Variants in FHDC1 observed in about 807,000 individuals in gnomAD.
The protein encoded by FHDC1 is FH2 domain containing 1, also known as FH2 domain-containing protein 1.
A neutral mutation model predicts 52.6 loss-of-function variants in FHDC1; 25 were observed. That is an observed-to-expected ratio of 0.48 (90% CI 0.35 to 0.66). The LOEUF (loss-of-function observed/expected upper bound fraction) is 0.66, where lower values mean the gene tolerates loss of function less well. FHDC1 is among the 30% of genes least tolerant of loss of function. FHDC1 has a pLI of 0.01. For synonymous variants in FHDC1, 616 were observed against 581.5 expected (o/e 1.06, Z -0.85); for missense variants, 1,459 against 1,452.8 (o/e 1.00, Z -0.07).
chr4:152,957,275 T>C (rs1740117718), intron 4 of FHDC1, among the ~76,000 whole-genome samples: 1 of 152,354 alleles, frequency 6.6e-6, no homozygotes, highest in Non-Finnish European at 1.5e-5. Flanking sequence ...AGGCACTGAC[T>C]GGACAGGGCA....
At chr4:152,962,971 GTGTGTGTGTGTA>G (rs1326154557) in intron 7 of FHDC1, 40 bp from the exon 8 acceptor site, 500 of 1,519,730 alleles carry the variant, frequency 3.3e-4, no homozygotes, top group Non-Finnish European at 4.3e-4. Context: ...GTGTGTGTGT[GTGTGTGTGTGTA>G]TGTATACATA....
rs1740892329 is a variant in FHDC1, at chr4:152,976,519, G to A, written c.3228G>A (p.Glu1076=). ...AGCTGAGGGTGAAAGGGGACCCCGA[G>A]GATGCCGCTCCCAAGGACAGCAGCA... ...QRQLRVKGDP[E]DAAPKDSSTL... is the part of the protein sequence containing the mutation. Residue 1076 remains glutamate (E), a synonymous_variant, in exon 12 of 12, where the codon GAG becomes GAA. Coordinates refer to ENST00000511601, the MANE Select transcript of FHDC1 (RefSeq NM_001371116.1). The A allele has an allele frequency of 6.2e-7, 1 of 1,613,318 alleles. No individual in the cohort carries two copies. The highest frequency in any genetic ancestry group is 8.5e-7 in the Non-Finnish European group (1 of 1,180,000).
At chr4:152,930,204 CT>C in the FHDC1 span, among the ~76,000 whole-genome samples, 2 of 152,198 alleles carry the variant, frequency 1.3e-5, no homozygotes, top group Non-Finnish European at 2.9e-5. Flanking sequence ...TAGGGTATTA[CT>C]TGGAAAACAA....
At chr4:152,959,941 A>ATCGGT (rs1561209332) in intron 4 of FHDC1, among the ~76,000 whole-genome samples, 15 of 151,274 alleles carry the variant, frequency 9.9e-5, no homozygotes, top group African/African-American at 3.2e-4. Context: ...GGCAATCTTA[A>ATCGGT]CGTCCCGTTG....
intron 4 of FHDC1, among the ~76,000 whole-genome samples, chr4:152,956,155 G>T (rs898419137): frequency 6.6e-6 from 1 of 152,224 alleles, no homozygotes; most frequent in Non-Finnish European, 1.5e-5. Context: ...TGTTAGGATA[G>T]ATAGTTTTTA....
At chr4:152,912,986 A>T in the FHDC1 span, among the ~76,000 whole-genome samples, 14 of 152,342 alleles carry the variant, frequency 9.2e-5, no homozygotes, top group Middle Eastern at 3.4e-3. Flanking sequence ...TTCCTTAGAG[A>T]TTATGTAACA....
rs1740804918 is a variant in FHDC1, at chr4:152,975,055, TGCA to T, written c.1766_1768del (p.Ala589del). On this transcript the variant is annotated inframe_deletion, in exon 12 of 12. Transcript: ENST00000511601. Reference sequence around the variant, plus strand: ...GGCCCACGATAGCCTGCCTGGAGCCTGCAGAAGTGAGGCACCAGGACTCCAGCT... The same window carrying T: ...GGCCCACGATAGCCTGCCTGGAGCCTGAAGTGAGGCACCAGGACTCCAGCT... The T allele has an allele frequency of 1.9e-6, 3 of 1,612,414 alleles. No homozygotes were observed. Among genetic ancestry groups the T allele is most frequent in the Middle Eastern group, 1.6e-4 (1 of 6,062 alleles).
chr4:152,953,452 T>C (rs1739985960), intron 2 of FHDC1, 47 bp from the exon 3 acceptor site: 1 of 1,476,004 alleles, frequency 6.8e-7, no homozygotes. Context: ...CTCCATCTCT[T>C]TTTATTTGAA....
At chr4:152,934,319 T>C (rs915863612), upstream of FHDC1, among the ~76,000 whole-genome samples, 7 of 152,010 alleles carry the variant, frequency 4.6e-5, no homozygotes, top group African/African-American at 1.7e-4. Context: ...GGGGAGGTGG[T>C]GGGTGTGGGA....
chr4:152,923,249 C>T, the FHDC1 span, among the ~76,000 whole-genome samples: 6 of 152,208 alleles, frequency 3.9e-5, no homozygotes, highest in East Asian at 7.7e-4. Context: ...GAGTGAACTC[C>T]CATTCACAAT....
rs1466354331 is a variant in FHDC1 at position 152,974,682 on chromosome 4, A to G, written c.1391A>G (p.His464Arg). ...TKFNKAVKDNHDREAQELRQL... is the reference protein window; with the variant it reads ...TKFNKAVKDNRDREAQELRQL... ...CTTCTCTCCATCCCTCAGGACAACC[A>G]CGACCGGGAGGCGCAGGAGCTGAGG... is the stretch of plus-strand genomic sequence containing the variant. Residue 464 changes from histidine (H) to arginine (R), a missense_variant, in exon 12 of 12, where the codon CAC becomes CGC. His to Arg is a conservative substitution (Grantham distance 29). This residue lies in a region of FHDC1 where 513 missense variants were observed against 581.5 expected (regional missense o/e 0.88). Transcript: ENST00000511601. 5 of 1,509,214 alleles carry G rather than the reference A, an allele frequency of 3.3e-6. No individual in the cohort carries two copies. Among genetic ancestry groups the G allele is most frequent in the Non-Finnish European group, 4.4e-6 (5 of 1,129,004 alleles). The allele number at this position is 1,509,214 out of a possible 1,614,324, so 93.5% of individuals were successfully genotyped here.
chr4:152,913,355 ATAAAG>A, the FHDC1 span, among the ~76,000 whole-genome samples: 2 of 152,242 alleles, frequency 1.3e-5, no homozygotes, highest in Non-Finnish European at 2.9e-5. Flanking sequence ...AAAGTGTTAC[ATAAAG>A]TAAAATTATG....
intron 4 of FHDC1, among the ~76,000 whole-genome samples, chr4:152,958,882 T>C (rs542549402): frequency 1.1e-4 from 17 of 152,300 alleles, no homozygotes; most frequent in African/African-American, 3.4e-4. Flanking sequence ...GGAAATGCAA[T>C]TATATAAATG....
chr4:152,966,750 C>T (rs1359625855), intron 9 of FHDC1, among the ~76,000 whole-genome samples: 1 of 152,126 alleles, frequency 6.6e-6, no homozygotes, highest in African/African-American at 2.4e-5. Flanking sequence ...GCCTGAGCTA[C>T]CATGCCAGGC....
At position 152,976,350 on chromosome 4, in the gene FHDC1, C is replaced by T. The variant is rs758691956; in HGVS notation, c.3059C>T (p.Pro1020Leu). 1.2e-6 allele frequency: 2 copies of T among 1,613,760 alleles called. No individual in the cohort carries two copies. The highest frequency in any genetic ancestry group is 2.7e-5 in the African/African-American group (2 of 75,040). ...PESPKEEPKTPSVPSVPHELP... is the reference protein window; with the variant it reads ...PESPKEEPKTLSVPSVPHELP... ...AGTCCCAAAGAAGAGCCCAAGACCC[C>T]GTCAGTGCCCAGCGTCCCCCACGAA... The change falls in exon 12 of 12, where the codon CCG (proline) becomes CTG (leucine). Residue 1020 changes from proline to leucine, a missense_variant. By Grantham distance (98) the Pro-to-Leu change is moderately conservative (BLOSUM62 -3). Around this residue, in one of 3 missense-constraint regions of FHDC1, gnomAD observed 939 missense variants for 854.5 expected, o/e 1.10. Transcript: ENST00000511601.
rs1206458771 is a variant in FHDC1 at position 152,943,158 on chromosome 4, C to T, written c.101C>T (p.Pro34Leu). ...ATTGGGCAGACACCTCCTCCAGCAC[C>T]TCCTCCACCTCCTCCTCCACCCCCT... ...FMIGQTPPPA[P>L]PPPPPPPPPS... The change falls in exon 2 of 12, where the codon CCT becomes CTT. Residue 34 changes from proline (P) to leucine (L), a missense_variant. By Grantham distance (98) the Pro-to-Leu change is moderately conservative. This residue lies in a region of FHDC1 where 513 missense variants were observed against 581.5 expected (regional missense o/e 0.88). Transcript: ENST00000511601. 27 of 1,613,216 alleles carry T rather than the reference C, an allele frequency of 1.7e-5. No homozygotes were observed. The highest frequency in any genetic ancestry group is 2.3e-5 in the Non-Finnish European group (27 of 1,179,552).
At position 152,976,508 on chromosome 4, in the gene FHDC1, G is replaced by C; in HGVS notation, c.3217G>C (p.Gly1073Arg). 6.2e-7 allele frequency: 1 copy of C among 1,613,334 alleles called. No homozygotes were observed. The highest frequency in any genetic ancestry group is 2.2e-5 in the East Asian group (1 of 44,854). Residue 1073 changes from glycine (G) to arginine (R), a missense_variant, in exon 12 of 12, where the codon GGG (glycine) becomes CGG (arginine). By Grantham distance (125) the Gly-to-Arg change is moderately radical. This residue lies in a region of FHDC1 where 939 missense variants were observed against 854.5 expected (regional missense o/e 1.10). Transcript: ENST00000511601. ...TVSQRQLRVK[G>R]DPEDAAPKDS... ...GTCGCAGCGGCAGCTGAGGGTGAAA[G>C]GGGACCCCGAGGATGCCGCTCCCAA...
In FHDC1 at chr4:152,978,810, C is replaced by A. The variant is rs929020252; in HGVS notation, c.*2087C>A. ...TGCAGACTGTTGCCTGTCATCTAAG[C>A]GAATTGGAAATGCTGAGCTTCCATA... On this transcript the variant is annotated 3_prime_UTR_variant, in exon 12 of 12. Transcript: ENST00000511601. 6.6e-6 allele frequency: 1 copy of A among 152,052 alleles called. No individual in the cohort carries two copies. Among genetic ancestry groups the A allele is most frequent in the Admixed American group, 6.6e-5 (1 of 15,266 alleles). 9.4% of individuals were successfully genotyped at this position (152,052 alleles called of 1,614,324 possible).
At chr4:152,931,935 T>TAA (rs200667161), upstream of FHDC1, among the ~76,000 whole-genome samples, 164 of 95,264 alleles carry the variant, frequency 1.7e-3, 1 homozygote, top group Middle Eastern at 6.5e-3. Context: ...AGAACCTGTC[T>TAA]AAAAAAAAAA....
Sources: gnomAD v4.1 joint callset for allele counts (sites outside exome capture counted in the v4.1 genomes callset) on GRCh38, gnomAD v4.1.1 for gene constraint, gnomAD v4.1.1 regional missense constraint, MANE v1.5 for transcripts, NCBI Gene and HGNC (gene_info 2026-07-23, HGNC 2026-07-21) for gene names.